Variants in PDCD1LG2 observed in about 807,000 individuals in gnomAD.
PDCD1LG2 encodes the protein B7 dendritic cell molecule.
Under a neutral mutation model 28.2 loss-of-function variants are expected in PDCD1LG2, and 32 were observed. The ratio of observed to expected loss-of-function variants is 1.13; its 90% CI spans 0.86 to 1.52. PDCD1LG2 has a LOEUF of 1.52. Ranked by LOEUF, PDCD1LG2 falls within the 40% of genes most tolerant of loss-of-function variation. PDCD1LG2 has a pLI of 0.00. For missense variants in PDCD1LG2, 385 were observed against 323.8 expected (o/e 1.19, Z -1.45); for synonymous variants, 116 against 120.2 (o/e 0.97, Z 0.23).
chr9:5,568,278 G>T (rs745388670), intron 6 of PDCD1LG2, among the ~76,000 whole-genome samples: 10 of 152,198 alleles, frequency 6.6e-5, no homozygotes, highest in South Asian at 2.1e-4. Context: ...TGGCCTGTTA[G>T]GAACTGAGCC....
chr9:5,543,431 C>T (rs1452594483), intron 3 of PDCD1LG2, among the ~76,000 whole-genome samples: 4 of 150,226 alleles, frequency 2.7e-5, no homozygotes, highest in South Asian at 2.1e-4. Context: ...CGCAGCTACT[C>T]GGGAGGCTGA....
At position 5,534,916 on chromosome 9, in the gene PDCD1LG2, T is replaced by C. The variant is rs2129794386; in HGVS notation, c.227T>C (p.Leu76Pro). The C allele has an allele frequency of 6.2e-7, 1 of 1,614,102 alleles. No individual in the cohort carries two copies. The highest frequency in any genetic ancestry group is 8.5e-7 in the Non-Finnish European group (1 of 1,180,006). The change falls in exon 3 of 7, where the codon CTG becomes CCG. Residue 76 changes from leucine to proline, a missense_variant. By Grantham distance (98) the Leu-to-Pro change is moderately conservative. Coordinates refer to ENST00000397747, the MANE Select transcript of PDCD1LG2 (RefSeq NM_025239.4). ...CCACACCGTGAAAGAGCCACTTTGC[T>C]GGAGGAGCAGCTGCCCCTAGGGAAG... ...TSPHRERATL[L>P]EEQLPLGKAS...
chr9:5,561,125 T>C (rs1015155708), intron 5 of PDCD1LG2, among the ~76,000 whole-genome samples: 5 of 152,186 alleles, frequency 3.3e-5, no homozygotes, highest in African/African-American at 1.2e-4. Flanking sequence ...CAGGTGAGTA[T>C]GCTAGATCTG....
At chr9:5,527,077 A>G (rs12350799) in intron 2 of PDCD1LG2, among the ~76,000 whole-genome samples, 5 of 152,232 alleles carry the variant, frequency 3.3e-5, no homozygotes, top group African/African-American at 9.6e-5. Context: ...CTACTGTGTT[A>G]TCTATAAAAT....
chr9:5,567,829 A>AT (rs1816694495), intron 6 of PDCD1LG2, among the ~76,000 whole-genome samples: 1 of 152,232 alleles, frequency 6.6e-6, no homozygotes. Flanking sequence ...ACAATTAAGT[A>AT]TTACCGATAA....
chr9:5,520,733 T>A (rs1259033091), intron 1 of PDCD1LG2, among the ~76,000 whole-genome samples: 7 of 152,170 alleles, frequency 4.6e-5, no homozygotes, highest in Admixed American at 2.6e-4. Context: ...CAGGATTCTA[T>A]AAAGAAACTG....
At chr9:5,563,777 A>C (rs893416150) in intron 6 of PDCD1LG2, among the ~76,000 whole-genome samples, 2 of 152,208 alleles carry the variant, frequency 1.3e-5, no homozygotes, top group Non-Finnish European at 2.9e-5. Flanking sequence ...TGTGTAGGGC[A>C]GGCCAGCAGT....
Position 5,510,582 on chromosome 9 carries a change from G to A in PDCD1LG2, c.-236G>A, listed in dbSNP as rs1049856979. Reference sequence around the variant, plus strand: ...CTGAATGAACAACTTTTCTTCTCTTGAATATATCTTAACGCCAAATTTTGA... The same window carrying A: ...CTGAATGAACAACTTTTCTTCTCTTAAATATATCTTAACGCCAAATTTTGA... On this transcript the variant is annotated 5_prime_UTR_variant, in exon 1 of 7. Transcript: ENST00000397747. 6.6e-6 allele frequency: 1 copy of A among 152,610 alleles called. No homozygotes were observed. Among genetic ancestry groups the A allele is most frequent in the African/African-American group, 2.4e-5 (1 of 41,422 alleles). 9.5% of individuals were successfully genotyped at this position (152,610 alleles called of 1,614,324 possible).
intron 4 of PDCD1LG2, among the ~76,000 whole-genome samples, 168 bp from the exon 5 acceptor site, chr9:5,557,450 C>T (rs536651379): frequency 5.3e-5 from 8 of 152,082 alleles, no homozygotes; most frequent in African/African-American, 9.7e-5. Flanking sequence ...AGAGTGGTTG[C>T]GAGGAGTGGA....
At chr9:5,514,504 T>C (rs1225937473) in intron 1 of PDCD1LG2, among the ~76,000 whole-genome samples, 1 of 152,214 alleles carries the variant, frequency 6.6e-6, no homozygotes, top group African/African-American at 2.4e-5. Flanking sequence ...CCTCAGAATT[T>C]ACAGATGTTT....
intron 4 of PDCD1LG2, among the ~76,000 whole-genome samples, chr9:5,551,414 A>AAG (rs1398630159): frequency 1.3e-5 from 2 of 152,198 alleles, no homozygotes; most frequent in Non-Finnish European, 2.9e-5. Context: ...TTAGGAGTTT[A>AAG]AGAGAGGGTA....
intron 1 of PDCD1LG2, among the ~76,000 whole-genome samples, chr9:5,519,787 C>T (rs1028986866): frequency 6.6e-6 from 1 of 152,188 alleles, no homozygotes. Flanking sequence ...GCTTCTCCCC[C>T]AGCCTTCTCC....
intron 3 of PDCD1LG2, among the ~76,000 whole-genome samples, chr9:5,542,056 A>G (rs1820697477): frequency 1.3e-5 from 2 of 152,210 alleles, no homozygotes; most frequent in Admixed American, 6.5e-5. Flanking sequence ...GATCTTTGAC[A>G]AAGCAAACAA....
chr9:5,557,695 A>C lies in PDCD1LG2; in HGVS notation c.709A>C (p.Ile237Leu). The change falls in exon 5 of 7, where the codon ATA (isoleucine) becomes CTA (leucine). Residue 237 changes from isoleucine (I) to leucine (L), a missense_variant. Coordinates refer to ENST00000397747, the MANE Select transcript of PDCD1LG2 (RefSeq NM_025239.4). The stretch of plus-strand genomic sequence containing the variant: ...CTTCTGCATCATTGCTTTCATTTTC[A>C]TAGCCACAGTGATAGCCCTAAGAAA... Reference protein sequence around the residue: ...IPFCIIAFIFIATVIALRKQL... With the variant: ...IPFCIIAFIFLATVIALRKQL... The C allele has an allele frequency of 6.2e-7, 1 of 1,613,828 alleles. No individual in the cohort carries two copies. The highest frequency in any genetic ancestry group is 8.5e-7 in the Non-Finnish European group (1 of 1,179,746).
intron 3 of PDCD1LG2, among the ~76,000 whole-genome samples, chr9:5,536,552 A>G (rs756649336): frequency 6.6e-6 from 1 of 152,342 alleles, no homozygotes; most frequent in Middle Eastern, 3.4e-3. Flanking sequence ...ATGTACTCGA[A>G]TATCTGCAAC....
intron 5 of PDCD1LG2, among the ~76,000 whole-genome samples, chr9:5,562,096 G>C (rs1000741818): frequency 7.2e-5 from 11 of 152,194 alleles, no homozygotes; most frequent in Admixed American, 5.2e-4. Flanking sequence ...ATTAGGAATG[G>C]ACTGATTTCA....
intron 1 of PDCD1LG2, among the ~76,000 whole-genome samples, chr9:5,515,922 CAAAAAAAAAAAA>C (rs1204038026): frequency 2.0e-4 from 6 of 30,294 alleles, no homozygotes; most frequent in Non-Finnish European, 3.0e-4. Context: ...GACTCCATCT[CAAAAAAAAAAAA>C]AAAAAAAAAA....
At chr9:5,531,341 G>T (rs1310318037) in intron 2 of PDCD1LG2, among the ~76,000 whole-genome samples, 1 of 152,162 alleles carries the variant, frequency 6.6e-6, no homozygotes, top group African/African-American at 2.4e-5. Flanking sequence ...CTCTTATTTT[G>T]TATGGAGTAA....
Position 5,569,953 on chromosome 9 carries a change from G to A in PDCD1LG2, c.817-1G>A, listed in dbSNP as rs376978122. 37 of 1,613,874 alleles carry A rather than the reference G, an allele frequency of 2.3e-5. No individual in the cohort carries two copies. The highest frequency in any genetic ancestry group is 3.1e-5 in the Non-Finnish European group (36 of 1,179,884). On this transcript the variant is annotated splice_acceptor_variant, in intron 6 of 6. Coordinates refer to ENST00000397747, the MANE Select transcript of PDCD1LG2 (RefSeq NM_025239.4). LOFTEE classifies it high-confidence loss of function. The surrounding 1 kb of genome is among the most constrained non-coding windows in gnomAD (Gnocchi z 4.1). ...TCTTATTTGTGGGCTTTTCTCCCCA[G>A]ATCTGAACCTGTGGTCTTGGGAGCC... is the stretch of plus-strand genomic sequence containing the variant.
Sources: allele counts gnomAD v4.1 joint callset (sites outside exome capture counted in the v4.1 genomes callset), GRCh38; gene constraint gnomAD v4.1.1; non-coding constraint Gnocchi (gnomAD v3.1); transcripts MANE v1.5; gene names NCBI Gene and HGNC (gene_info 2026-07-23, HGNC 2026-07-21).